AP3B1: variants seen among roughly 807,000 people sequenced by gnomAD.
AP3B1 encodes adaptor related protein complex 3 subunit beta 1.
Under a neutral mutation model 132.5 loss-of-function variants are expected in AP3B1, and 61 were observed. That is an observed-to-expected ratio of 0.46 (90% CI 0.37 to 0.57). The LOEUF (loss-of-function observed/expected upper bound fraction) is 0.57. Among genes scored for constraint, AP3B1 ranks in the 20% least tolerant of loss-of-function variants. The pLI, the probability that AP3B1 is intolerant of heterozygous loss-of-function variation, is 0.00. For missense variants in AP3B1, 1,120 were observed against 1,289.4 expected (o/e 0.87, Z 2.01); for synonymous variants, 388 against 438.3 (o/e 0.89, Z 1.43).
intron 6 of AP3B1, among the ~76,000 whole-genome samples, chr5:78,220,939 C>T (rs1013667340): frequency 2.0e-5 from 3 of 152,042 alleles, no homozygotes; most frequent in Non-Finnish European, 4.4e-5. Flanking sequence ...GTCCCATTTA[C>T]TCAGGAGGCT....
chr5:78,165,279 C>T (rs1743566063), intron 12 of AP3B1, among the ~76,000 whole-genome samples: 1 of 151,932 alleles, frequency 6.6e-6, no homozygotes, highest in African/African-American at 2.4e-5. Flanking sequence ...GAAATGAAAC[C>T]GTTTTCATGA....
intron 22 of AP3B1, among the ~76,000 whole-genome samples, chr5:78,086,001 AC>A (rs1407627424): frequency 6.6e-6 from 1 of 152,152 alleles, no homozygotes; most frequent in African/African-American, 2.4e-5. Flanking sequence ...GTGTTTTCCT[AC>A]CTACATCGAA....
intron 7 of AP3B1, among the ~76,000 whole-genome samples, chr5:78,207,675 T>G (rs1745566355): frequency 6.6e-6 from 1 of 152,120 alleles, no homozygotes; most frequent in African/African-American, 2.4e-5. Context: ...TGATTAATTC[T>G]CAAAGACTTT....
chr5:78,193,937 T>C (rs1313587353), intron 7 of AP3B1, among the ~76,000 whole-genome samples: 1 of 151,100 alleles, frequency 6.6e-6, no homozygotes, highest in Non-Finnish European at 1.5e-5. Context: ...TCAGCTAATT[T>C]TTTGTATTTT....
At chr5:78,051,473 C>G (rs1374885167) in intron 22 of AP3B1, among the ~76,000 whole-genome samples, 1 of 151,922 alleles carries the variant, frequency 6.6e-6, no homozygotes, top group Non-Finnish European at 1.5e-5. Flanking sequence ...TTGAACATAG[C>G]TGTTCAAAAT....
At chr5:78,051,202 A>G (rs948647551) in intron 22 of AP3B1, among the ~76,000 whole-genome samples, 1 of 152,208 alleles carries the variant, frequency 6.6e-6, no homozygotes, top group African/African-American at 2.4e-5. Flanking sequence ...TGAAACATTT[A>G]TAAGAGCTGT....
intron 2 of AP3B1, among the ~76,000 whole-genome samples, chr5:78,266,396 A>G (rs1044709912): frequency 2.6e-5 from 4 of 152,194 alleles, no homozygotes; most frequent in Non-Finnish European, 5.9e-5. Context: ...GCAAGGATCA[A>G]GTCACTTACA....
At chr5:78,188,352 T>C (rs187229966) in intron 7 of AP3B1, among the ~76,000 whole-genome samples, 4 of 152,142 alleles carry the variant, frequency 2.6e-5, no homozygotes, top group Non-Finnish European at 5.9e-5. Context: ...AGGGCTAATA[T>C]CCAGAACCTA....
intron 14 of AP3B1, among the ~76,000 whole-genome samples, chr5:78,154,448 T>C (rs1257004741): frequency 6.6e-6 from 1 of 152,206 alleles, no homozygotes; most frequent in Non-Finnish European, 1.5e-5. Context: ...TAAATCTGCT[T>C]GAAGTTCTAT....
At chr5:78,096,513 T>G (rs1750793040) in intron 21 of AP3B1, among the ~76,000 whole-genome samples, 1 of 147,528 alleles carries the variant, frequency 6.8e-6, no homozygotes, top group Admixed American at 6.7e-5. Context: ...GGCTGCCCAG[T>G]CTGGAAAGTG....
intron 3 of AP3B1, among the ~76,000 whole-genome samples, chr5:78,235,129 A>G (rs895397889): frequency 6.6e-6 from 1 of 152,064 alleles, no homozygotes; most frequent in African/African-American, 2.4e-5. Context: ...CCTGGTAATT[A>G]GGACTCTAGG....
intron 20 of AP3B1, 126 bp from the exon 21 acceptor site, chr5:78,101,151 A>C: frequency 1.6e-6 from 1 of 608,418 alleles, no homozygotes. Context: ...AAACTTCTGT[A>C]TGGTTATATA....
At chr5:78,162,685 T>C in intron 13 of AP3B1, 134 bp downstream of exon 13, 1 of 899,760 alleles carries the variant, frequency 1.1e-6, no homozygotes, top group Non-Finnish European at 1.7e-6. Context: ...GATAAAATGC[T>C]ACTTATTGTG....
chr5:78,163,243 T>A (rs1388794501), intron 12 of AP3B1, among the ~76,000 whole-genome samples: 1 of 152,096 alleles, frequency 6.6e-6, no homozygotes, highest in African/African-American at 2.4e-5. Context: ...AGACAGCAAT[T>A]AGTTTAAGTG....
chr5:78,187,505 T>G (rs972674827), intron 7 of AP3B1, among the ~76,000 whole-genome samples: 1 of 152,176 alleles, frequency 6.6e-6, no homozygotes, highest in African/African-American at 2.4e-5. Context: ...TATTGCTTAT[T>G]TTGCTGTACA....
At chr5:78,040,216 A>C (rs1218137055) in intron 22 of AP3B1, among the ~76,000 whole-genome samples, 1 of 152,122 alleles carries the variant, frequency 6.6e-6, no homozygotes, top group Non-Finnish European at 1.5e-5. Flanking sequence ...ATTTTAATTC[A>C]TATGGAATTG....
At chr5:78,078,760 CTA>C (rs1269355792) in intron 22 of AP3B1, among the ~76,000 whole-genome samples, 1 of 152,184 alleles carries the variant, frequency 6.6e-6, no homozygotes, top group Non-Finnish European at 1.5e-5. Context: ...TAGGAAGGGA[CTA>C]TGTTTTATTA....
chr5:78,041,505 G>A (rs1748085159), intron 22 of AP3B1, among the ~76,000 whole-genome samples: 1 of 151,624 alleles, frequency 6.6e-6, no homozygotes, highest in South Asian at 2.1e-4. Flanking sequence ...GCTGCAGTGA[G>A]CCATGATTAG....
chr5:78,070,167 G>T (rs1232841517), intron 22 of AP3B1, among the ~76,000 whole-genome samples: 2 of 152,152 alleles, frequency 1.3e-5, no homozygotes, highest in Non-Finnish European at 2.9e-5. Context: ...AGCACTTTGG[G>T]AGGCTGAGGC....
Sources: gnomAD v4.1 joint callset for allele counts (sites outside exome capture counted in the v4.1 genomes callset) on GRCh38, gnomAD v4.1.1 for gene constraint, MANE v1.5 for transcripts, NCBI Gene and HGNC (gene_info 2026-07-23, HGNC 2026-07-21) for gene names.